Variants in EHBP1 observed in about 807,000 individuals in gnomAD.
EHBP1 encodes EH domain binding protein 1, also known as EH domain-binding protein 1.
Under a neutral mutation model 144.0 loss-of-function variants are expected in EHBP1, and 55 were observed. That is an observed-to-expected ratio of 0.38 (90% CI 0.31 to 0.48). The LOEUF (loss-of-function observed/expected upper bound fraction) is 0.48, where lower values mean the gene tolerates loss of function less well. Ranked by LOEUF, EHBP1 falls within the 20% of genes least tolerant of loss-of-function variation. The pLI, the probability that EHBP1 is intolerant of heterozygous loss-of-function variation, is 0.98. For synonymous variants in EHBP1, 469 were observed against 472.7 expected (o/e 0.99, Z 0.10); for missense variants, 1,200 against 1,364.2 (o/e 0.88, Z 1.90).
At chr2:62,906,955 G>A (rs1032489081) in intron 10 of EHBP1, among the ~76,000 whole-genome samples, 2 of 152,076 alleles carry the variant, frequency 1.3e-5, no homozygotes, top group African/African-American at 4.8e-5. Context: ...GATTCATCTG[G>A]GTTTCGCATG....
intron 14 of EHBP1, among the ~76,000 whole-genome samples, chr2:62,970,995 T>A (rs1482785701): frequency 1.3e-5 from 2 of 152,200 alleles, no homozygotes; most frequent in Non-Finnish European, 2.9e-5. Flanking sequence ...AATACATTTT[T>A]ATGGAAAGGA....
chr2:62,969,396 G>A (rs1421814752), intron 14 of EHBP1, among the ~76,000 whole-genome samples: 1 of 152,036 alleles, frequency 6.6e-6, no homozygotes, highest in Non-Finnish European at 1.5e-5. Flanking sequence ...CAAAACAAAT[G>A]CTACAATTAA....
intron 14 of EHBP1, among the ~76,000 whole-genome samples, chr2:62,975,486 G>A (rs1260688821): frequency 2.0e-5 from 3 of 152,104 alleles, no homozygotes; most frequent in Admixed American, 6.5e-5. Context: ...GTTCCCCATC[G>A]GACATTTACC....
intron 13 of EHBP1, among the ~76,000 whole-genome samples, chr2:62,950,063 C>T (rs1019220235): frequency 4.0e-5 from 6 of 151,540 alleles, no homozygotes; most frequent in Non-Finnish European, 4.4e-5. Context: ...TAAGGTATTC[C>T]TAAAAGTTTT....
intron 5 of EHBP1, among the ~76,000 whole-genome samples, chr2:62,796,942 GT>G (rs2043580569): frequency 6.6e-6 from 1 of 150,946 alleles, no homozygotes; most frequent in African/African-American, 2.4e-5. Flanking sequence ...CATATACACT[GT>G]TTTAAAACCC....
intron 5 of EHBP1, among the ~76,000 whole-genome samples, chr2:62,786,917 G>T (rs1464407972): frequency 6.6e-6 from 1 of 152,170 alleles, no homozygotes; most frequent in African/African-American, 2.4e-5. Flanking sequence ...GACCCCTGTA[G>T]CCTGTTGAGT....
At chr2:62,959,768 G>T (rs1040771839) in intron 14 of EHBP1, among the ~76,000 whole-genome samples, 1 of 152,086 alleles carries the variant, frequency 6.6e-6, no homozygotes, top group Non-Finnish European at 1.5e-5. Context: ...TGAGTTATAG[G>T]AGTTCTTATT....
intron 5 of EHBP1, among the ~76,000 whole-genome samples, chr2:62,773,304 T>G (rs915393374): frequency 6.6e-6 from 1 of 152,164 alleles, no homozygotes; most frequent in Admixed American, 6.5e-5. Context: ...TAATTTTTTT[T>G]TCTCTGTCTA....
intron 5 of EHBP1, among the ~76,000 whole-genome samples, chr2:62,783,879 A>G (rs2042627883): frequency 6.6e-6 from 1 of 152,228 alleles, no homozygotes. Context: ...TTCTGCCCAG[A>G]AAATGGGGTT....
rs760355888 is a variant in EHBP1 at position 62,949,079 on chromosome 2, G to C, written c.2233G>C (p.Ala745Pro). 1.2e-6 allele frequency: 2 copies of C among 1,607,552 alleles called. No individual in the cohort carries two copies. Among genetic ancestry groups the C allele is most frequent in the South Asian group, 1.1e-5 (1 of 89,064 alleles). The change falls in exon 13 of 23, where the codon GCT (alanine) becomes CCT (proline). Residue 745 changes from alanine to proline, a missense_variant. Physicochemically the swap from Ala to Pro is conservative, Grantham distance 27. Coordinates refer to ENST00000431489, the MANE Select transcript of EHBP1 (RefSeq NM_001142616.3). ...TCTAGACCTTGCTAAGAAAAAACAT[G>C]CTTCCCTGAGGCAGACGGAGTCTGA... is the stretch of plus-strand genomic sequence containing the variant. ...RDLDLAKKKHASLRQTESDPD... is the reference protein window; with the variant it reads ...RDLDLAKKKHPSLRQTESDPD...
intron 9 of EHBP1, 116 bp downstream of exon 9, chr2:62,865,087 G>C: frequency 1.7e-6 from 2 of 1,167,064 alleles, no homozygotes; most frequent in Non-Finnish European, 1.2e-6. Context: ...TTATAAGTCA[G>C]TATCTAACTC....
intron 14 of EHBP1, 96 bp from the exon 15 acceptor site, chr2:62,979,092 C>G: frequency 7.8e-7 from 1 of 1,274,494 alleles, no homozygotes. Flanking sequence ...GGGCCAAGCA[C>G]CATGCTGTAA....
At position 62,933,848 on chromosome 2, in the gene EHBP1, C is replaced by G. The variant is rs144998832; in HGVS notation, c.1186-8870C>G. 7.3e-3 allele frequency among the ~76,000 whole-genome samples: 1,104 copies of G among 152,224 alleles called. 8 individuals are homozygous for G. Among genetic ancestry groups the G allele is most frequent in the Non-Finnish European group, 0.011 (762 of 68,012 alleles). ...GATTTTAAATTTACATAAATGGAATCATATGATATATGCATGTTTGTACCT... is the reference window on the plus strand; with the variant it reads ...GATTTTAAATTTACATAAATGGAATGATATGATATATGCATGTTTGTACCT... On this transcript the variant is annotated intron_variant, in intron 10 of 22. Coordinates refer to ENST00000431489, the MANE Select transcript of EHBP1 (RefSeq NM_001142616.3).
intron 10 of EHBP1, among the ~76,000 whole-genome samples, chr2:62,940,652 G>T (rs896775499): frequency 6.6e-6 from 1 of 152,090 alleles, no homozygotes; most frequent in Non-Finnish European, 1.5e-5. Context: ...TGGAGTAGAT[G>T]ATTTCATTTA....
intron 10 of EHBP1, among the ~76,000 whole-genome samples, chr2:62,935,284 G>A (rs1327420412): frequency 6.8e-6 from 1 of 147,850 alleles, no homozygotes; most frequent in African/African-American, 2.5e-5. Context: ...AGCCAAGATC[G>A]TGCCAGTGCA....
chr2:62,889,656 C>G (rs1457008604), intron 10 of EHBP1, among the ~76,000 whole-genome samples: 1 of 152,142 alleles, frequency 6.6e-6, no homozygotes, highest in Non-Finnish European at 1.5e-5. Context: ...AATAGGGAAT[C>G]CTTTCTCCAT....
intron 2 of EHBP1, among the ~76,000 whole-genome samples, chr2:62,721,415 A>G (rs1346667822): frequency 2.0e-5 from 3 of 152,182 alleles, no homozygotes; most frequent in Non-Finnish European, 2.9e-5. Flanking sequence ...TAAAGTTACT[A>G]TTTTACCCTT....
intron 3 of EHBP1, among the ~76,000 whole-genome samples, chr2:62,758,993 G>A (rs576608587): frequency 4.6e-5 from 7 of 152,244 alleles, no homozygotes; most frequent in East Asian, 3.9e-4. Flanking sequence ...CAGAAATAAC[G>A]AATGATTGCT....
At chr2:62,786,595 T>A (rs776308017) in intron 5 of EHBP1, among the ~76,000 whole-genome samples, 3 of 152,208 alleles carry the variant, frequency 2.0e-5, no homozygotes, top group South Asian at 2.1e-4. Context: ...ATCATACAGA[T>A]TTTTAGTTTT....
Sources: gnomAD v4.1 joint callset for allele counts (sites outside exome capture counted in the v4.1 genomes callset) on GRCh38, gnomAD v4.1.1 for gene constraint, MANE v1.5 for transcripts, NCBI Gene and HGNC (gene_info 2026-07-23, HGNC 2026-07-21) for gene names.